SCN9A: variants seen among roughly 807,000 people sequenced by gnomAD.
The protein encoded by SCN9A is sodium channel protein type 9 subunit alpha.
A neutral mutation model predicts 187.0 loss-of-function variants in SCN9A; 131 were observed. The ratio of observed to expected loss-of-function variants is 0.70; its 90% CI spans 0.61 to 0.81. The LOEUF (loss-of-function observed/expected upper bound fraction) is 0.81. SCN9A is among the 30% of genes least tolerant of loss of function. The pLI is 0.00. For missense variants in SCN9A, 2,252 were observed against 2,396.6 expected, an observed-to-expected ratio of 0.94 and a Z score of 1.26; for synonymous variants, 809 against 808.6, an observed-to-expected ratio of 1.00 and a Z score of -0.01.
intron 12 of SCN9A, among the ~76,000 whole-genome samples, chr2:166,283,301 AGAGGTCACATGT>A (rs1697577562): frequency 6.6e-6 from 1 of 152,208 alleles, no homozygotes; most frequent in Non-Finnish European, 1.5e-5. Flanking sequence ...ATGCACACAT[AGAGGTCACATGT>A]TACCTAAAAG....
chr2:166,355,383 T>C (rs968367417), intron 1 of SCN9A, among the ~76,000 whole-genome samples: 5 of 152,174 alleles, frequency 3.3e-5, no homozygotes, highest in Non-Finnish European at 7.3e-5. Flanking sequence ...AATTTGATAT[T>C]TAAAACGTTT....
chr2:166,204,257 GA>G (rs770330913), intron 25 of SCN9A, 32 bp from the exon 26 acceptor site: 1 of 1,593,036 alleles, frequency 6.3e-7, no homozygotes, highest in Non-Finnish European at 8.6e-7. Flanking sequence ...ATCGAATGCA[GA>G]GTAAACTTTT....
At chr2:166,260,877 T>G (rs1228251233) in intron 17 of SCN9A, among the ~76,000 whole-genome samples, 2 of 151,920 alleles carry the variant, frequency 1.3e-5, no homozygotes, top group African/African-American at 2.4e-5. Context: ...ATATTTTACT[T>G]ATGCCTTTGT....
Position 166,200,559 on chromosome 2 carries a change from A to T in SCN9A, c.4775-695T>A, listed in dbSNP as rs535089565. 1.9e-3 allele frequency among the ~76,000 whole-genome samples: 289 copies of T among 152,008 alleles called. 2 individuals are homozygous for T. The highest frequency in any genetic ancestry group is 6.8e-3 in the Middle Eastern group (2 of 294). On this transcript the variant is annotated intron_variant, in intron 26 of 26. Transcript: ENST00000642356. The stretch of plus-strand genomic sequence containing the variant: ...TATTATCAATATTTTTTTGAGTATC[A>T]CTTCAGACATTTTTCTGTGCAAGCA...
intron 25 of SCN9A, 37 bp downstream of exon 25, chr2:166,204,323 G>GA: frequency 6.4e-7 from 1 of 1,564,690 alleles, no homozygotes; most frequent in Non-Finnish European, 8.7e-7. Flanking sequence ...GAAATAATTT[G>GA]AAAATCTATA....
chr2:166,361,381 A>G (rs1272191571), intron 1 of SCN9A, among the ~76,000 whole-genome samples: 1 of 152,140 alleles, frequency 6.6e-6, no homozygotes, highest in East Asian at 1.9e-4. Flanking sequence ...AATATTTTAA[A>G]GACTAAAATG....
At chr2:166,309,789 C>A in intron 2 of SCN9A, among the ~76,000 whole-genome samples, 1 of 147,336 alleles carries the variant, frequency 6.8e-6, no homozygotes, top group East Asian at 2.0e-4. Flanking sequence ...GCCCGCATCG[C>A]CAAGTCAATC....
At chr2:166,367,085 A>G (rs72884800) in intron 1 of SCN9A, among the ~76,000 whole-genome samples, 31,047 of 152,018 alleles carry the variant, frequency 0.2, 4,032 homozygotes, top group Non-Finnish European at 0.29. Context: ...CCAATATAGA[A>G]TATCTAAATT....
intron 18 of SCN9A, among the ~76,000 whole-genome samples, chr2:166,245,918 T>A (rs1229319606): frequency 6.6e-6 from 1 of 152,038 alleles, no homozygotes; most frequent in Admixed American, 6.6e-5. Flanking sequence ...TTGTAATGAA[T>A]CTTTTCATGT....
At chr2:166,207,111 T>A (rs891794584) in intron 24 of SCN9A, among the ~76,000 whole-genome samples, 3 of 152,216 alleles carry the variant, frequency 2.0e-5, no homozygotes. Flanking sequence ...TTTTACAGAT[T>A]TATGTATATT....
intron 21 of SCN9A, among the ~76,000 whole-genome samples, chr2:166,232,242 T>A (rs190429713): frequency 2.3e-3 from 354 of 152,308 alleles, no homozygotes; most frequent in African/African-American, 8.3e-3. Flanking sequence ...TTTAATACAA[T>A]CCTTAAAGCT....
intron 17 of SCN9A, chr2:166,259,334 G>T (rs1696408881): frequency 6.6e-6 from 1 of 151,666 alleles, no homozygotes. Context: ...GCAGCATGAT[G>T]AAAGAGTTTA....
At chr2:166,203,030 G>A (rs1004469293) in intron 26 of SCN9A, among the ~76,000 whole-genome samples, 1 of 151,298 alleles carries the variant, frequency 6.6e-6, no homozygotes, top group African/African-American at 2.4e-5. Context: ...TGACTTAATA[G>A]GAATGCTTTC....
At chr2:166,343,325 A>C (rs7597083) in intron 1 of SCN9A, among the ~76,000 whole-genome samples, 11,110 of 152,160 alleles carry the variant, frequency 0.073, 1,240 homozygotes, top group African/African-American at 0.24. Flanking sequence ...ATTTTATAGA[A>C]CTAGGAATGC....
Position 166,222,702 on chromosome 2 carries a change from A to G in SCN9A, c.4398+3865T>C, listed in dbSNP as rs6708029. 1.8e-3 allele frequency among the ~76,000 whole-genome samples: 267 copies of G among 147,036 alleles called. 9 individuals are homozygous for G. Among genetic ancestry groups the G allele is most frequent in the African/African-American group, 5.8e-3 (225 of 39,076 alleles). ...AATCCCAGCACTTTGGGAGGCCGAGACGGGCGGATCACGAGGTCAGGAGAT... is the reference window on the plus strand; with the variant it reads ...AATCCCAGCACTTTGGGAGGCCGAGGCGGGCGGATCACGAGGTCAGGAGAT... On this transcript the variant is annotated intron_variant, in intron 24 of 26. Coordinates refer to ENST00000642356, the MANE Select transcript of SCN9A (RefSeq NM_001365536.1).
intron 20 of SCN9A, among the ~76,000 whole-genome samples, chr2:166,237,377 A>G (rs1032525458): frequency 6.6e-6 from 1 of 152,076 alleles, no homozygotes; most frequent in African/African-American, 2.4e-5. Flanking sequence ...AAGAATTATT[A>G]TGTATTTTCC....
At chr2:166,300,737 A>G (rs1698517383) in intron 7 of SCN9A, among the ~76,000 whole-genome samples, 1 of 150,904 alleles carries the variant, frequency 6.6e-6, no homozygotes, top group South Asian at 2.1e-4. Context: ...TGATTTAAAC[A>G]CCTCTTCACT....
chr2:166,306,404 G>C (rs1287797551), intron 4 of SCN9A, 106 bp downstream of exon 4: 2 of 721,708 alleles, frequency 2.8e-6, no homozygotes, highest in Admixed American at 2.1e-5. Flanking sequence ...AACATGGGAA[G>C]GTAAAGATTC....
intron 20 of SCN9A, among the ~76,000 whole-genome samples, chr2:166,236,983 T>C (rs1574778504): frequency 1.3e-5 from 2 of 152,142 alleles, no homozygotes; most frequent in Admixed American, 1.3e-4. Context: ...AGGCATCATA[T>C]GGAAAACAAA....
Sources: allele counts gnomAD v4.1 joint callset (sites outside exome capture counted in the v4.1 genomes callset), GRCh38; gene constraint gnomAD v4.1.1; transcripts MANE v1.5; gene names NCBI Gene and HGNC (gene_info 2026-07-23, HGNC 2026-07-21).